CADPS2: variants seen among roughly 807,000 people sequenced by gnomAD.
The protein encoded by CADPS2 is calcium dependent secretion activator 2, also known as calcium-dependent secretion activator 2.
In CADPS2, 93 loss-of-function variants were observed where a neutral mutation model predicts 172.5. That is an observed-to-expected ratio of 0.54 (90% CI 0.46 to 0.64). The LOEUF (loss-of-function observed/expected upper bound fraction) is 0.64, where lower values mean the gene tolerates loss of function less well. CADPS2 is among the 30% of genes least tolerant of loss of function. The probability of loss-of-function intolerance (pLI) is 0.00; values close to 1 mark genes in which losing one functional copy is unlikely to be tolerated. For missense variants in CADPS2, 1,420 were observed against 1,565.9 expected (o/e 0.91, Z 1.57); for synonymous variants, 546 against 555.2 (o/e 0.98, Z 0.23).
chr7:122,419,706 C>T (rs1055005364), intron 17 of CADPS2, among the ~76,000 whole-genome samples: 1 of 151,936 alleles, frequency 6.6e-6, no homozygotes, highest in African/African-American at 2.4e-5. Flanking sequence ...ATAAATATTG[C>T]ACTTATATAT....
At chr7:122,621,802 C>T (rs1424345855) in intron 4 of CADPS2, 85 bp from the exon 5 acceptor site, 1 of 766,154 alleles carries the variant, frequency 1.3e-6, no homozygotes, top group Non-Finnish European at 2.1e-6. Context: ...ATATACTTCA[C>T]TGTCTTAGAA....
At chr7:122,601,917 G>C (rs902305210) in intron 6 of CADPS2, among the ~76,000 whole-genome samples, 2 of 151,846 alleles carry the variant, frequency 1.3e-5, no homozygotes, top group African/African-American at 4.8e-5. Flanking sequence ...CCTTTTAAAC[G>C]GGAAGGCTTA....
Position 122,820,813 on chromosome 7 carries a change from C to A in CADPS2, c.339+65186G>T, listed in dbSNP as rs550249057. Among the ~76,000 whole-genome samples the A allele has an allele frequency of 5.1e-4, 70 of 138,132 alleles. 15 individuals are homozygous for A. Among genetic ancestry groups the A allele is most frequent in the African/African-American group, 1.8e-3 (66 of 36,294 alleles). The allele number at this position is 138,132 out of a possible 152,430, so 90.6% of individuals were successfully genotyped here. A position where few individuals can be genotyped will look rare whatever the true frequency, so the allele number is the denominator to read the frequency against. On this transcript the variant is annotated intron_variant, in intron 1 of 29. Transcript: ENST00000449022. ...TGACCTCGTGATCCGCCCGCCTCGG[C>A]CTCCCAAAGTGCTGGGATTACAGGC... is the stretch of plus-strand genomic sequence containing the variant.
chr7:122,582,284 C>T (rs968101547), intron 6 of CADPS2, among the ~76,000 whole-genome samples: 1 of 152,020 alleles, frequency 6.6e-6, no homozygotes, highest in Admixed American at 6.6e-5. Flanking sequence ...TTACAACATA[C>T]AGAAAACTCA....
intron 4 of CADPS2, among the ~76,000 whole-genome samples, chr7:122,623,183 C>CCTTT (rs979956318): frequency 2.7e-5 from 4 of 149,724 alleles, no homozygotes; most frequent in Admixed American, 6.7e-5. Context: ...AAATTTGTAT[C>CCTTT]CTTAAGAAAA....
chr7:122,726,922 G>A (rs1477401870), intron 2 of CADPS2, among the ~76,000 whole-genome samples: 1 of 151,908 alleles, frequency 6.6e-6, no homozygotes, highest in Non-Finnish European at 1.5e-5. Flanking sequence ...CCTGAGGAAA[G>A]GCATTTAAAG....
At chr7:122,781,107 C>T (rs190326474) in intron 1 of CADPS2, among the ~76,000 whole-genome samples, 1 of 152,306 alleles carries the variant, frequency 6.6e-6, no homozygotes, top group East Asian at 1.9e-4. Flanking sequence ...GACTAAAATA[C>T]TATTAATCTG....
intron 1 of CADPS2, among the ~76,000 whole-genome samples, chr7:122,753,866 A>G (rs1271265496): frequency 6.6e-6 from 1 of 152,188 alleles, no homozygotes; most frequent in Non-Finnish European, 1.5e-5. Flanking sequence ...TGCCCAATCA[A>G]TACACTGCAG....
At position 122,438,467 on chromosome 7, in the gene CADPS2, A is replaced by T; in HGVS notation, c.2353-3T>A. Reference sequence around the variant, plus strand: ...GTGGCAATATCTTTCATTAAAACCTACAGAGAGAGGAAGTGGAAGGGTGAG... The same window carrying T: ...GTGGCAATATCTTTCATTAAAACCTTCAGAGAGAGGAAGTGGAAGGGTGAG... On this transcript the variant is annotated splice_region_variant and splice_polypyrimidine_tract_variant and intron_variant, in intron 16 of 29. Transcript: ENST00000449022. The T allele has an allele frequency of 1.2e-6, 2 of 1,612,470 alleles. No individual in the cohort carries two copies. Among genetic ancestry groups the T allele is most frequent in the Non-Finnish European group, 1.7e-6 (2 of 1,179,026 alleles).
intron 4 of CADPS2, among the ~76,000 whole-genome samples, chr7:122,627,626 C>T (rs2076206407): frequency 6.6e-6 from 1 of 152,194 alleles, no homozygotes; most frequent in Non-Finnish European, 1.5e-5. Context: ...GTCTCTTCTT[C>T]CAGTCCCATA....
chr7:122,610,624 T>C (rs775860540), intron 6 of CADPS2, among the ~76,000 whole-genome samples: 19 of 152,104 alleles, frequency 1.2e-4, no homozygotes, highest in Non-Finnish European at 1.9e-4. Flanking sequence ...TGAATTTTGA[T>C]GATAGCTGCA....
rs780880792 is a variant in CADPS2 at position 122,474,398 on chromosome 7, C to A, written c.1981G>T (p.Asp661Tyr). ...QRQTLDHRLN[D>Y]SYSCLGWFSP... ...GTACTCACCAAGCAAGAATAGGAAT[C>A]ATTCAGTCTGTGATCCAAAGTCTGC... is the stretch of plus-strand genomic sequence containing the variant. Residue 661 changes from aspartate to tyrosine, a missense_variant, in exon 13 of 30, where the codon GAT (aspartate) becomes TAT (tyrosine). Transcript: ENST00000449022. 1 of 1,613,356 alleles carries A rather than the reference C, an allele frequency of 6.2e-7. No homozygotes were observed. Among genetic ancestry groups the A allele is most frequent in the Non-Finnish European group, 8.5e-7 (1 of 1,179,620 alleles).
intron 14 of CADPS2, among the ~76,000 whole-genome samples, chr7:122,463,031 A>G (rs766393738): frequency 6.6e-6 from 1 of 152,222 alleles, no homozygotes; most frequent in Non-Finnish European, 1.5e-5. Context: ...CCACCATGAC[A>G]GTGGTAAATC....
chr7:122,481,162 C>CTTTTTTT (rs35352953), intron 11 of CADPS2, among the ~76,000 whole-genome samples: 26 of 107,538 alleles, frequency 2.4e-4, no homozygotes, highest in Admixed American at 4.2e-4. Flanking sequence ...TTTCTTCATT[C>CTTTTTTT]TTTTTTTTTT....
intron 1 of CADPS2, among the ~76,000 whole-genome samples, chr7:122,830,657 CAT>C (rs1384118730): frequency 2.0e-5 from 3 of 152,178 alleles, no homozygotes; most frequent in African/African-American, 7.2e-5. Context: ...TTTTCTATCT[CAT>C]AGGTTATTCT....
intron 25 of CADPS2, among the ~76,000 whole-genome samples, chr7:122,377,437 T>C (rs1216434728): frequency 6.6e-6 from 1 of 152,174 alleles, no homozygotes; most frequent in African/African-American, 2.4e-5. Flanking sequence ...GACTTTTTCC[T>C]TGCTGCCTGA....
chr7:122,770,215 C>T (rs1285852062), intron 1 of CADPS2, among the ~76,000 whole-genome samples: 5 of 152,138 alleles, frequency 3.3e-5, no homozygotes, highest in African/African-American at 1.2e-4. Flanking sequence ...CCATACAATG[C>T]TCATTTCTTT....
At chr7:122,635,405 A>G (rs1054679962) in intron 3 of CADPS2, among the ~76,000 whole-genome samples, 1 of 151,418 alleles carries the variant, frequency 6.6e-6, no homozygotes, top group Non-Finnish European at 1.5e-5. Context: ...CATTAGGTAT[A>G]TCTCCTAAAG....
In CADPS2 at chr7:122,737,049, T is replaced by C. The variant is rs750211396; in HGVS notation, c.359A>G (p.Gln120Arg). 6.2e-7 allele frequency: 1 copy of C among 1,600,036 alleles called. No individual in the cohort carries two copies. The highest frequency in any genetic ancestry group is 8.6e-7 in the Non-Finnish European group (1 of 1,167,770). Residue 120 changes from glutamine (Q) to arginine (R), a missense_variant, in exon 2 of 30, where the codon CAG (glutamine) becomes CGG (arginine). Transcript: ENST00000449022. Reference protein sequence around the residue: ...RQQKLNKQQLQLLKERFQAFL... With the variant: ...RQQKLNKQQLRLLKERFQAFL... ...GGCCTGGAACCGTTCTTTCAGTAAC[T>C]GCAACTGTTGTTTGTTAAGCTACAA...
Sources: allele counts gnomAD v4.1 joint callset (sites outside exome capture counted in the v4.1 genomes callset), GRCh38; gene constraint gnomAD v4.1.1; transcripts MANE v1.5; gene names NCBI Gene and HGNC (gene_info 2026-07-23, HGNC 2026-07-21).